KLHL8: variants seen among roughly 807,000 people sequenced by gnomAD.
KLHL8 encodes the protein kelch-like protein 8.
In KLHL8, 38 loss-of-function variants were observed where a neutral mutation model predicts 63.5. The observed-to-expected ratio is 0.60, with a 90% CI of 0.46 to 0.78. The LOEUF (loss-of-function observed/expected upper bound fraction) is 0.78. Among genes scored for constraint, KLHL8 ranks in the 30% least tolerant of loss-of-function variants. The pLI is 0.00. For missense variants in KLHL8, 566 were observed against 752.4 expected, an observed-to-expected ratio of 0.75 and a Z score of 2.90; for synonymous variants, 224 against 254.3, an observed-to-expected ratio of 0.88 and a Z score of 1.13.
chr4:87,188,877 C>A (rs1197588187), intron 2 of KLHL8, among the ~76,000 whole-genome samples: 2 of 152,126 alleles, frequency 1.3e-5, no homozygotes, highest in African/African-American at 4.8e-5. Flanking sequence ...TACTATATGT[C>A]CCTGATACTA....
chr4:87,229,403 C>G (rs996873366), intron 1 of KLHL8, among the ~76,000 whole-genome samples: 3 of 149,460 alleles, frequency 2.0e-5, no homozygotes, highest in African/African-American at 7.4e-5. Context: ...GTCCTCAAAT[C>G]TGGAATATCT....
intron 1 of KLHL8, among the ~76,000 whole-genome samples, chr4:87,199,319 T>C (rs1180171369): frequency 6.6e-6 from 1 of 152,096 alleles, no homozygotes; most frequent in Admixed American, 6.5e-5. Flanking sequence ...TTACACCATA[T>C]ACAAAAACTA....
chr4:87,186,170 T>C (rs375799130), intron 2 of KLHL8, among the ~76,000 whole-genome samples: 10 of 151,830 alleles, frequency 6.6e-5, no homozygotes, highest in Middle Eastern at 3.4e-3. Flanking sequence ...TACCAAGTAG[T>C]TGGGATTACA....
intron 4 of KLHL8, among the ~76,000 whole-genome samples, chr4:87,181,355 G>A (rs1731045982): frequency 6.6e-6 from 1 of 151,926 alleles, no homozygotes; most frequent in Non-Finnish European, 1.5e-5. Flanking sequence ...ATGGTGAGCT[G>A]AGAAAGCGCC....
At chr4:87,179,240 C>T (rs1042723709) in intron 4 of KLHL8, among the ~76,000 whole-genome samples, 3 of 152,198 alleles carry the variant, frequency 2.0e-5, no homozygotes, top group Admixed American at 1.3e-4. Flanking sequence ...ACAACCTCTT[C>T]CTTCCCTGTG....
intron 1 of KLHL8, among the ~76,000 whole-genome samples, chr4:87,236,615 A>T (rs1733234783): frequency 1.4e-5 from 2 of 145,798 alleles, no homozygotes; most frequent in Non-Finnish European, 3.0e-5. Flanking sequence ...CCAGACTTTT[A>T]TTCATTGCGT....
At chr4:87,172,677 A>G (rs1408315367) in intron 6 of KLHL8, among the ~76,000 whole-genome samples, 1 of 151,960 alleles carries the variant, frequency 6.6e-6, no homozygotes, top group Non-Finnish European at 1.5e-5. Flanking sequence ...TTGACCATAC[A>G]CCTCTGAACT....
chr4:87,190,011 G>A lies in KLHL8; in HGVS notation c.217-4212C>T, dbSNP rs573307751. Reference sequence around the variant, plus strand: ...ATTGTGCCACTGCACTCCAGCCTGGGCAACAGAGTGAGCCTCCATCTCAAA... The same window carrying A: ...ATTGTGCCACTGCACTCCAGCCTGGACAACAGAGTGAGCCTCCATCTCAAA... On this transcript the variant is annotated intron_variant, in intron 2 of 9. Transcript: ENST00000273963. Among the ~76,000 whole-genome samples the A allele has an allele frequency of 1.1e-4, 15 of 135,198 alleles. No individual in the cohort carries two copies. The East Asian group carries it at 3.0e-3, about 27-fold the overall frequency. The allele number at this position is 135,198 out of a possible 152,430, so 88.7% of individuals were successfully genotyped here. A position where few individuals can be genotyped will look rare whatever the true frequency, so the allele number is the denominator to read the frequency against.
rs1315810636 is a variant in KLHL8 at position 87,195,258 on chromosome 4, C to A, written c.216+66G>T. ...CAACAAAATTTGCCTTGTATGGTTA[C>A]AGAAACCCCCATTTCTCATATTACA... On this transcript the variant is annotated intron_variant, in intron 2 of 9. Transcript: ENST00000273963. 3 of 1,336,182 alleles carry A rather than the reference C, an allele frequency of 2.2e-6. No individual in the cohort carries two copies. In the Admixed American group the frequency reaches 6.4e-5, roughly 28 times the overall value. 82.8% of individuals were successfully genotyped at this position (1,336,182 alleles called of 1,614,324 possible).
At chr4:87,225,231 AC>A (rs762891876), upstream of KLHL8, among the ~76,000 whole-genome samples, 14 of 152,174 alleles carry the variant, frequency 9.2e-5, no homozygotes, top group Non-Finnish European at 1.5e-4. Context: ...TTTCTTGGTT[AC>A]AGTCCCCCCT....
chr4:87,207,940 T>G, intron 1 of KLHL8: 1 of 976,556 alleles, frequency 1.0e-6, no homozygotes, highest in African/African-American at 1.6e-5. Context: ...CTCCTCCAAC[T>G]TCAACAGCAA....
intron 1 of KLHL8, among the ~76,000 whole-genome samples, chr4:87,235,067 A>G (rs1733203203): frequency 6.6e-6 from 1 of 152,216 alleles, no homozygotes; most frequent in South Asian, 2.1e-4. Context: ...TTGGTTTATT[A>G]CCAGAGAAAG....
intron 2 of KLHL8, among the ~76,000 whole-genome samples, chr4:87,194,930 C>A (rs567490523): frequency 2.8e-4 from 43 of 152,190 alleles, no homozygotes; most frequent in African/African-American, 1.0e-3. Context: ...GTAAACAATC[C>A]AAAATTCCTG....
In KLHL8 at chr4:87,181,031, G is replaced by C. The variant is rs375165434; in HGVS notation, c.952+2172C>G. Among the ~76,000 whole-genome samples, 9 of 151,920 alleles carry C rather than the reference G, an allele frequency of 5.9e-5. No homozygotes were observed. In the East Asian group the frequency reaches 1.2e-3, roughly 20 times the overall value. On this transcript the variant is annotated intron_variant, in intron 4 of 9. Transcript: ENST00000273963. Reference sequence around the variant, plus strand: ...AGCCTGGATGACAGAGCAAGATCCTGTCTCAAAAAAATTTTTTTAATAAAA... The same window carrying C: ...AGCCTGGATGACAGAGCAAGATCCTCTCTCAAAAAAATTTTTTTAATAAAA...
chr4:87,187,822 A>T (rs920768240), intron 2 of KLHL8, among the ~76,000 whole-genome samples: 1 of 152,216 alleles, frequency 6.6e-6, no homozygotes, highest in Non-Finnish European at 1.5e-5. Context: ...TATAATAATC[A>T]AATACAAGTA....
chr4:87,223,333 C>G (rs996550815), upstream of KLHL8, among the ~76,000 whole-genome samples: 5 of 152,104 alleles, frequency 3.3e-5, no homozygotes, highest in African/African-American at 7.2e-5. Flanking sequence ...AAGAGCACAA[C>G]TGCTCTTTTT....
At chr4:87,190,862 G>C in intron 2 of KLHL8, among the ~76,000 whole-genome samples, 1 of 152,166 alleles carries the variant, frequency 6.6e-6, no homozygotes, top group East Asian at 1.9e-4. Flanking sequence ...GCACAGAGCA[G>C]CTATCTGTGG....
intron 1 of KLHL8, among the ~76,000 whole-genome samples, chr4:87,213,627 T>C (rs1025318980): frequency 6.6e-6 from 1 of 152,164 alleles, no homozygotes; most frequent in Non-Finnish European, 1.5e-5. Flanking sequence ...TTACCTAATC[T>C]CTCTGTGTCT....
chr4:87,218,393 A>AT (rs1732683232), intron 1 of KLHL8, among the ~76,000 whole-genome samples: 1 of 151,690 alleles, frequency 6.6e-6, no homozygotes, highest in South Asian at 2.1e-4. Flanking sequence ...ATTTTTTTGT[A>AT]TTTTTAGTAG....
Sources: gnomAD v4.1 joint callset for allele counts (sites outside exome capture counted in the v4.1 genomes callset) on GRCh38, gnomAD v4.1.1 for gene constraint, MANE v1.5 for transcripts, NCBI Gene and HGNC (gene_info 2026-07-23, HGNC 2026-07-21) for gene names.